Variants in ADAMTS17 observed in about 807,000 individuals in gnomAD.
ADAMTS17 encodes ADAM metallopeptidase with thrombospondin type 1 motif 17.
A neutral mutation model predicts 141.5 loss-of-function variants in ADAMTS17; 113 were observed. The observed-to-expected ratio is 0.80, with a 90% CI of 0.69 to 0.93. The LOEUF is 0.93. ADAMTS17 is among the 40% of genes least tolerant of loss of function. The pLI is 0.00. For missense variants in ADAMTS17, 1,659 were observed against 1,517.9 expected, an observed-to-expected ratio of 1.09 and a Z score of -1.54; for synonymous variants, 768 against 630.6, an observed-to-expected ratio of 1.22 and a Z score of -3.27.
At chr15:100,194,594 C>T (rs2041042068) in intron 8 of ADAMTS17, among the ~76,000 whole-genome samples, 1 of 152,194 alleles carries the variant, frequency 6.6e-6, no homozygotes, top group African/African-American at 2.4e-5. Flanking sequence ...TTCTACTCAT[C>T]ATCAGGGGTC....
chr15:99,996,586 A>G (rs769422795), intron 19 of ADAMTS17, among the ~76,000 whole-genome samples: 1 of 152,206 alleles, frequency 6.6e-6, no homozygotes, highest in Non-Finnish European at 1.5e-5. Context: ...AGAGCAGCCA[A>G]TGGCAGACTT....
At chr15:100,059,995 G>C (rs2032988689) in intron 15 of ADAMTS17, among the ~76,000 whole-genome samples, 1 of 152,172 alleles carries the variant, frequency 6.6e-6, no homozygotes, top group South Asian at 2.1e-4. Context: ...AGATTAATTA[G>C]TGTGCACTTG....
chr15:100,049,853 T>A (rs772670042), intron 17 of ADAMTS17, among the ~76,000 whole-genome samples: 1 of 152,226 alleles, frequency 6.6e-6, no homozygotes, highest in Admixed American at 6.5e-5. Flanking sequence ...AACTTCCCTG[T>A]GCCTCAGGGT....
At chr15:99,999,737 G>A (rs1350690797) in intron 18 of ADAMTS17, among the ~76,000 whole-genome samples, 1 of 152,148 alleles carries the variant, frequency 6.6e-6, no homozygotes, top group African/African-American at 2.4e-5. Flanking sequence ...CAGAAGCAGC[G>A]GCAGGGAGAC....
At chr15:100,220,878 A>G (rs77900939) in intron 7 of ADAMTS17, among the ~76,000 whole-genome samples, 2,169 of 152,362 alleles carry the variant, frequency 0.014, 23 homozygotes, top group Middle Eastern at 0.037. Context: ...ATTCCATTGC[A>G]TGGATATTCC....
intron 3 of ADAMTS17, among the ~76,000 whole-genome samples, chr15:100,316,674 A>T (rs1433526538): frequency 6.6e-6 from 1 of 152,242 alleles, no homozygotes; most frequent in Non-Finnish European, 1.5e-5. Context: ...CCATAGAGAG[A>T]TGACACCTTA....
At chr15:100,273,341 T>C (rs2043977298) in intron 4 of ADAMTS17, among the ~76,000 whole-genome samples, 1 of 152,190 alleles carries the variant, frequency 6.6e-6, no homozygotes, top group Non-Finnish European at 1.5e-5. Flanking sequence ...GGCTATTCTT[T>C]ATTAGGAGGT....
At chr15:99,995,411 T>C (rs1482663762) in intron 19 of ADAMTS17, among the ~76,000 whole-genome samples, 2 of 152,096 alleles carry the variant, frequency 1.3e-5, no homozygotes, top group South Asian at 4.1e-4. Context: ...AGCAACCCAT[T>C]CTCCTGAAGC....
At chr15:100,063,225 G>C (rs925037039) in intron 15 of ADAMTS17, among the ~76,000 whole-genome samples, 1 of 152,178 alleles carries the variant, frequency 6.6e-6, no homozygotes, top group Non-Finnish European at 1.5e-5. Context: ...TATCCTTCTG[G>C]GTTTCCATTA....
chr15:100,331,110 A>G, intron 2 of ADAMTS17, 56 bp from the exon 3 acceptor site: 4 of 1,608,232 alleles, frequency 2.5e-6, no homozygotes, highest in South Asian at 1.1e-5. Flanking sequence ...ACACACGCCC[A>G]TGGCCCCCCG....
intron 20 of ADAMTS17, chr15:99,978,865 C>T (rs1223036374): frequency 6.6e-6 from 1 of 152,226 alleles, no homozygotes; most frequent in Non-Finnish European, 1.5e-5. Context: ...TCTCCAAGTG[C>T]TTGCAGTGGG....
intron 8 of ADAMTS17, among the ~76,000 whole-genome samples, chr15:100,171,094 CT>C (rs2040142806): frequency 6.6e-6 from 1 of 152,118 alleles, no homozygotes; most frequent in African/African-American, 2.4e-5. Flanking sequence ...GCCCCCAGCA[CT>C]TCCTATACCC....
chr15:100,016,363 T>G (rs935587197), intron 18 of ADAMTS17, among the ~76,000 whole-genome samples: 4 of 152,216 alleles, frequency 2.6e-5, no homozygotes, highest in Admixed American at 6.5e-5. Context: ...TTTTTTCAGG[T>G]AAATCAGAGA....
chr15:100,025,463 G>A (rs1328109681), intron 18 of ADAMTS17, among the ~76,000 whole-genome samples: 1 of 149,816 alleles, frequency 6.7e-6, no homozygotes, highest in Non-Finnish European at 1.5e-5. Context: ...CCAGGCTGGA[G>A]TGAAGTGGCG....
At chr15:99,995,389 C>G (rs1443037331) in intron 19 of ADAMTS17, among the ~76,000 whole-genome samples, 2 of 152,208 alleles carry the variant, frequency 1.3e-5, no homozygotes, top group Non-Finnish European at 2.9e-5. Flanking sequence ...ATTTCTTAAC[C>G]AAACTCTGAC....
chr15:100,321,383 ACT>A (rs1433294835), intron 3 of ADAMTS17, among the ~76,000 whole-genome samples: 1 of 152,198 alleles, frequency 6.6e-6, no homozygotes, highest in Non-Finnish European at 1.5e-5. Flanking sequence ...GAAAACACTA[ACT>A]CTGCCAATGA....
rs34003703 is a variant in ADAMTS17, at chr15:100,116,132, TAAAAAAAAA to T, written c.1888+706_1888+714del. 1.3e-4 allele frequency among the ~76,000 whole-genome samples: 11 copies of T among 84,782 alleles called. 1 individual carries two copies. The highest frequency in any genetic ancestry group is 4.2e-4 in the African/African-American group (9 of 21,262). 55.6% of individuals were successfully genotyped at this position (84,782 alleles called of 152,430 possible). A position where few individuals can be genotyped will look rare whatever the true frequency, so the allele number is the denominator to read the frequency against. On this transcript the variant is annotated intron_variant, in intron 13 of 21. Transcript: ENST00000268070. Reference sequence around the variant, plus strand: ...TTTCCTAAAGAAGAACAGTTTTAGGTAAAAAAAAAAAAAAAAAAAAAAAAAACCCAACAA... The same window carrying T: ...TTTCCTAAAGAAGAACAGTTTTAGGTAAAAAAAAAAAAAAAAACCCAACAA...
chr15:100,064,470 C>G (rs1049281249), intron 15 of ADAMTS17, among the ~76,000 whole-genome samples: 1 of 152,316 alleles, frequency 6.6e-6, no homozygotes, highest in Non-Finnish European at 1.5e-5. Flanking sequence ...AATAGTGGCC[C>G]TGGTCTCATT....
Position 99,993,029 on chromosome 15 carries a change from G to A in ADAMTS17, c.2949+19C>T. ...CCTGCACTGCGGCACGGAGAGAAAT[G>A]CCAGCAGGCTGCTCTCACCGTAGAC... On this transcript the variant is annotated intron_variant, in intron 20 of 21. Coordinates refer to ENST00000268070, the MANE Select transcript of ADAMTS17 (RefSeq NM_139057.4). The surrounding 1 kb of genome is among the most constrained non-coding windows in gnomAD (Gnocchi z 4.3). The A allele has an allele frequency of 1.2e-6, 2 of 1,614,006 alleles. No individual in the cohort carries two copies. The highest frequency in any genetic ancestry group is 1.7e-6 in the Non-Finnish European group (2 of 1,180,030).
Sources: allele counts gnomAD v4.1 joint callset (sites outside exome capture counted in the v4.1 genomes callset), GRCh38; gene constraint gnomAD v4.1.1; non-coding constraint Gnocchi (gnomAD v3.1); transcripts MANE v1.5; gene names NCBI Gene and HGNC (gene_info 2026-07-23, HGNC 2026-07-21).